Variants in GRIP1 observed in about 807,000 individuals in gnomAD.
GRIP1 encodes glutamate receptor interacting protein 1.
Under a neutral mutation model 129.9 loss-of-function variants are expected in GRIP1, and 45 were observed. That is an observed-to-expected ratio of 0.35 (90% CI 0.27 to 0.44). GRIP1 has a LOEUF of 0.44. GRIP1 is among the 20% of genes least tolerant of loss of function. The pLI is 1.00. For missense variants in GRIP1, 1,196 were observed against 1,396.8 expected, an observed-to-expected ratio of 0.86 and a Z score of 2.29; for synonymous variants, 530 against 520.8, an observed-to-expected ratio of 1.02 and a Z score of -0.24.
intron 1 of GRIP1, among the ~76,000 whole-genome samples, chr12:66,630,939 A>C (rs920061950): frequency 1.3e-5 from 2 of 151,682 alleles, no homozygotes; most frequent in African/African-American, 2.4e-5. Context: ...GAAAAATAAA[A>C]CTTTTTTTTT....
chr12:66,593,522 T>C (rs2063920781), intron 2 of GRIP1, among the ~76,000 whole-genome samples: 1 of 152,242 alleles, frequency 6.6e-6, no homozygotes, highest in African/African-American at 2.4e-5. Flanking sequence ...TCTGTGTATG[T>C]ATATAAATGT....
chr12:66,386,227 A>G (rs1395856715), intron 19 of GRIP1, among the ~76,000 whole-genome samples: 1 of 152,196 alleles, frequency 6.6e-6, no homozygotes, highest in Non-Finnish European at 1.5e-5. Context: ...CCAACCTTGT[A>G]ATATTTGGTT....
chr12:66,951,359 C>T (rs895541634), intron 1 of GRIP1, among the ~76,000 whole-genome samples: 6 of 152,102 alleles, frequency 3.9e-5, no homozygotes, highest in African/African-American at 7.2e-5. Flanking sequence ...ATGAGAAGAA[C>T]ATTTCAGGCA....
At chr12:66,706,194 T>G (rs981028935) in intron 1 of GRIP1, among the ~76,000 whole-genome samples, 2 of 151,988 alleles carry the variant, frequency 1.3e-5, no homozygotes, top group African/African-American at 4.8e-5. Flanking sequence ...ACAAGGAACT[T>G]AAACGTATTT....
intron 1 of GRIP1, among the ~76,000 whole-genome samples, chr12:66,880,185 C>T (rs1233010149): frequency 6.6e-6 from 1 of 151,532 alleles, no homozygotes; most frequent in Non-Finnish European, 1.5e-5. Flanking sequence ...AGGGAAGGAG[C>T]AAAGGACCGA....
intron 1 of GRIP1, among the ~76,000 whole-genome samples, chr12:66,769,557 G>T (rs1032926553): frequency 6.6e-6 from 1 of 152,128 alleles, no homozygotes; most frequent in Admixed American, 6.5e-5. Context: ...TGGGCCAGGG[G>T]ACAAGGGCAC....
At chr12:66,657,414 CA>C (rs142541882) in intron 1 of GRIP1, among the ~76,000 whole-genome samples, 2 of 152,158 alleles carry the variant, frequency 1.3e-5, no homozygotes, top group Admixed American at 6.5e-5. Flanking sequence ...TATAGAGTGT[CA>C]AAAAAGGTGG....
chr12:66,568,435 A>G (rs2062844907), intron 2 of GRIP1: 1 of 168,512 alleles, frequency 5.9e-6, no homozygotes, highest in Non-Finnish European at 1.3e-5. Flanking sequence ...AACCTGTGAC[A>G]AGAAGTGTGT....
intron 1 of GRIP1, among the ~76,000 whole-genome samples, chr12:66,841,794 TG>T (rs1188076199): frequency 6.6e-6 from 1 of 152,192 alleles, no homozygotes; most frequent in Non-Finnish European, 1.5e-5. Context: ...GGGGGCATCT[TG>T]GGGTAAACAT....
At chr12:66,383,282 G>A (rs1410315077) in intron 19 of GRIP1, among the ~76,000 whole-genome samples, 1 of 147,106 alleles carries the variant, frequency 6.8e-6, no homozygotes, top group Non-Finnish European at 1.5e-5. Flanking sequence ...GGGCGACAGA[G>A]CGACACTCTG....
intron 7 of GRIP1, among the ~76,000 whole-genome samples, chr12:66,504,713 T>C (rs1255448446): frequency 2.0e-5 from 3 of 152,202 alleles, no homozygotes; most frequent in Admixed American, 6.5e-5. Flanking sequence ...GCCTCATATA[T>C]AATGTACATA....
chr12:66,465,005 C>T (rs577249396), intron 8 of GRIP1, among the ~76,000 whole-genome samples: 2 of 147,566 alleles, frequency 1.4e-5, no homozygotes, highest in African/African-American at 5.1e-5. Flanking sequence ...GGCTGGAGTG[C>T]AATGGTTCAG....
At chr12:66,727,035 T>C (rs566760709) in intron 1 of GRIP1, among the ~76,000 whole-genome samples, 83 of 152,318 alleles carry the variant, frequency 5.4e-4, no homozygotes, top group Middle Eastern at 3.4e-3. Context: ...ACGATAAAAA[T>C]AAACATTTCT....
rs565993267 is a variant in GRIP1, at chr12:66,909,564, T to G, written c.58+159486A>C. ...TTCCCTGACCTTGCTGCCTTCACAC[T>G]CTACTCTTTTACTCCTTTCCTACTT... On this transcript the variant is annotated intron_variant, in intron 1 of 1. Coordinates refer to the GRIP1 transcript ENST00000643019. Among the ~76,000 whole-genome samples the G allele has an allele frequency of 9.8e-5, 15 of 152,356 alleles. No homozygotes were observed. The South Asian group carries it at 2.9e-3, about 29-fold the overall frequency.
intron 23 of GRIP1, among the ~76,000 whole-genome samples, chr12:66,362,602 C>T (rs2054842350): frequency 6.6e-6 from 1 of 151,812 alleles, no homozygotes; most frequent in Non-Finnish European, 1.5e-5. Flanking sequence ...AGTGAACATT[C>T]TACAGATAAT....
At position 66,394,310 on chromosome 12, in the gene GRIP1, A is replaced by C; in HGVS notation, c.2027T>G (p.Leu676Arg). The C allele has an allele frequency of 6.2e-7, 1 of 1,614,014 alleles. No homozygotes were observed. Among genetic ancestry groups the C allele is most frequent in the Non-Finnish European group, 8.5e-7 (1 of 1,179,836 alleles). ...GCCAAGGGGCCCCCCGTAGCGTTTAAGCTCCACGGTGTAAATAATTGCTCC... is the reference window on the plus strand; with the variant it reads ...GCCAAGGGGCCCCCCGTAGCGTTTACGCTCCACGGTGTAAATAATTGCTCC... Reference protein sequence around the residue: ...SSGAIIYTVELKRYGGPLGIT... With the variant: ...SSGAIIYTVERKRYGGPLGIT... The change falls in exon 17 of 25, where the codon CTT becomes CGT. Residue 676 changes from leucine (L) to arginine (R), a missense_variant. This residue lies in a region of GRIP1 where 508 missense variants were observed against 587.0 expected (regional missense o/e 0.87). Coordinates refer to ENST00000359742, the MANE Select transcript of GRIP1 (RefSeq NM_001366722.1).
chr12:66,618,196 G>C (rs11176328), intron 1 of GRIP1, among the ~76,000 whole-genome samples: 80,619 of 152,032 alleles, frequency 0.53, 22,066 homozygotes, highest in Non-Finnish European at 0.61. Flanking sequence ...AGTAGGTGTA[G>C]TGACAGGCAC....
chr12:66,517,767 C>A (rs1182628013), intron 6 of GRIP1, 134 bp downstream of exon 6: 1 of 689,918 alleles, frequency 1.4e-6, no homozygotes, highest in Non-Finnish European at 2.6e-6. Flanking sequence ...TTCAGACTCT[C>A]AATTTTCACA....
intron 1 of GRIP1, among the ~76,000 whole-genome samples, chr12:66,798,524 C>T (rs1428173051): frequency 6.6e-6 from 1 of 152,144 alleles, no homozygotes; most frequent in Non-Finnish European, 1.5e-5. Context: ...AACATGTTCA[C>T]ATTGGAACGA....
Sources: allele counts gnomAD v4.1 joint callset (sites outside exome capture counted in the v4.1 genomes callset), GRCh38; gene constraint gnomAD v4.1.1; regional missense constraint gnomAD v4.1.1; transcripts MANE v1.5; gene names NCBI Gene and HGNC (gene_info 2026-07-23, HGNC 2026-07-21).